JMY: variants seen among roughly 807,000 people sequenced by gnomAD.
JMY encodes the protein junction mediating and regulatory protein, p53 cofactor.
Under a neutral mutation model 103.3 loss-of-function variants are expected in JMY, and 46 were observed. The ratio of observed to expected loss-of-function variants is 0.45; its 90% confidence interval spans 0.35 to 0.57. The LOEUF is 0.57. Ranked by LOEUF, JMY falls within the 20% of genes least tolerant of loss-of-function variation. JMY has a pLI of 0.00. For synonymous variants in JMY, 526 were observed against 489.3 expected, an observed-to-expected ratio of 1.07 and a Z score of -0.99; for missense variants, 1,238 against 1,255.2, an observed-to-expected ratio of 0.99 and a Z score of 0.21.
In JMY at chr5:79,325,658, C is replaced by G. The variant is rs1747614778; in HGVS notation, c.*4056C>G. ...GTTGCATCTATTTAGTGCTACTGAA[C>G]AATTCAGTAGTTATTTCTGAACTTT... On this transcript the variant is annotated 3_prime_UTR_variant, in exon 11 of 11. Transcript: ENST00000396137. 2 of 152,124 alleles carry G rather than the reference C, an allele frequency of 1.3e-5. No individual in the cohort carries two copies. Among genetic ancestry groups the G allele is most frequent in the Admixed American group, 1.3e-4 (2 of 15,278 alleles). The allele number at this position is 152,124 out of a possible 1,614,324, so 9.4% of individuals were successfully genotyped here. A position where few individuals can be genotyped will look rare whatever the true frequency, so the allele number is the denominator to read the frequency against.
intron 1 of JMY, among the ~76,000 whole-genome samples, chr5:79,276,854 C>A (rs879945514): frequency 6.6e-6 from 1 of 152,048 alleles, no homozygotes; most frequent in Non-Finnish European, 1.5e-5. Flanking sequence ...ATCCACCCCC[C>A]ACGGCCTCCC....
At chr5:79,302,764 A>G (rs540985448) in intron 6 of JMY, among the ~76,000 whole-genome samples, 17 of 152,234 alleles carry the variant, frequency 1.1e-4, no homozygotes, top group Non-Finnish European at 2.5e-4. Flanking sequence ...AAGATAAGGC[A>G]GCATGAAAAA....
intron 7 of JMY, among the ~76,000 whole-genome samples, chr5:79,307,641 A>G (rs1746926232): frequency 6.6e-6 from 1 of 152,088 alleles, no homozygotes; most frequent in African/African-American, 2.4e-5. Flanking sequence ...TTTAATGCAG[A>G]TATATAGATA....
rs1744536176 is a variant in JMY, at chr5:79,237,062, A to G, written c.412A>G (p.Ser138Gly). Residue 138 changes from serine to glycine, a missense_variant, in exon 1 of 11, where the codon AGT becomes GGT. By Grantham distance (56) the Ser-to-Gly change is moderately conservative. Coordinates refer to ENST00000396137, the MANE Select transcript of JMY (RefSeq NM_152405.5). ...LRSPGSKGAE[S>G]RLRSPVRAKP... ...GAGTCCTGGCAGCAAAGGGGCGGAG[A>G]GTCGTCTTAGGAGCCCAGTGCGGGC... 2.0e-6 allele frequency: 3 copies of G among 1,530,948 alleles called. No homozygotes were observed. The African/African-American group carries it at 4.1e-5, about 21-fold the overall frequency. The allele number at this position is 1,530,948 out of a possible 1,614,324, so 94.8% of individuals were successfully genotyped here. A position where few individuals can be genotyped will look rare whatever the true frequency, so the allele number is the denominator to read the frequency against.
rs1163052778 is a variant in JMY at position 79,322,517 on chromosome 5, T to TTTAAG, written c.*918_*922dup. On this transcript the variant is annotated 3_prime_UTR_variant, in exon 11 of 11. Coordinates refer to ENST00000396137, the MANE Select transcript of JMY (RefSeq NM_152405.5). ...CTTAACTCTTTTCACAAATTACCAT[T>TTTAAG]TTAAGTTTTTATTTTTATGCTCCAC... 6.6e-6 allele frequency: 1 copy of TTTAAG among 152,224 alleles called. No homozygotes were observed. The highest frequency in any genetic ancestry group is 2.1e-4 in the South Asian group (1 of 4,830). 9.4% of individuals were successfully genotyped at this position (152,224 alleles called of 1,614,324 possible). A position where few individuals can be genotyped will look rare whatever the true frequency, so the allele number is the denominator to read the frequency against.
chr5:79,237,060 A>G lies in JMY; in HGVS notation c.410A>G (p.Glu137Gly), dbSNP rs767360509. The G allele has an allele frequency of 2.0e-6, 3 of 1,530,966 alleles. No individual in the cohort carries two copies. Among genetic ancestry groups the G allele is most frequent in the Non-Finnish European group, 2.6e-6 (3 of 1,134,768 alleles). 94.8% of individuals were successfully genotyped at this position (1,530,966 alleles called of 1,614,324 possible). Residue 137 changes from glutamate to glycine, a missense_variant, in exon 1 of 11, where the codon GAG (glutamate) becomes GGG (glycine). Transcript: ENST00000396137. ...RLRSPGSKGA[E>G]SRLRSPVRAK... Reference sequence around the variant, plus strand: ...CGGAGTCCTGGCAGCAAAGGGGCGGAGAGTCGTCTTAGGAGCCCAGTGCGG... The same window carrying G: ...CGGAGTCCTGGCAGCAAAGGGGCGGGGAGTCGTCTTAGGAGCCCAGTGCGG...
In JMY at chr5:79,326,054, A is replaced by G. The variant is rs1239173954; in HGVS notation, c.*4452A>G. On this transcript the variant is annotated 3_prime_UTR_variant, in exon 11 of 11. Coordinates refer to ENST00000396137, the MANE Select transcript of JMY (RefSeq NM_152405.5). ...ACTGTCTCTTCCCTTCTGCAGAGACATTATGCCACTGTAAGGTGCATGTAC... is the reference window on the plus strand; with the variant it reads ...ACTGTCTCTTCCCTTCTGCAGAGACGTTATGCCACTGTAAGGTGCATGTAC... 6.6e-6 allele frequency: 1 copy of G among 152,216 alleles called. No individual in the cohort carries two copies. Among genetic ancestry groups the G allele is most frequent in the Non-Finnish European group, 1.5e-5 (1 of 68,022 alleles). The allele number at this position is 152,216 out of a possible 1,614,324, so 9.4% of individuals were successfully genotyped here.
chr5:79,291,034 A>G (rs948048164), intron 3 of JMY, 96 bp from the exon 4 acceptor site: 1 of 827,194 alleles, frequency 1.2e-6, no homozygotes, highest in African/African-American at 1.8e-5. Flanking sequence ...TGACAGCAGG[A>G]TTTGTTTCTC....
chr5:79,312,142 C>A (rs925804672), intron 7 of JMY, among the ~76,000 whole-genome samples: 6 of 152,042 alleles, frequency 3.9e-5, no homozygotes, highest in African/African-American at 1.4e-4. Flanking sequence ...TTTTTAAAGT[C>A]ATCTACATTT....
At chr5:79,309,917 CT>C (rs147839549) in intron 7 of JMY, among the ~76,000 whole-genome samples, 4,983 of 152,016 alleles carry the variant, frequency 0.033, 94 homozygotes, top group South Asian at 0.061. Context: ...CAATATATTT[CT>C]TTTTATAAAA....
At chr5:79,281,520 A>G (rs1746114851) in intron 2 of JMY, among the ~76,000 whole-genome samples, 1 of 152,046 alleles carries the variant, frequency 6.6e-6, no homozygotes, top group Admixed American at 6.6e-5. Context: ...CCTATTGTAT[A>G]TGTGTTTCAT....
intron 1 of JMY, among the ~76,000 whole-genome samples, chr5:79,258,864 G>A (rs894011117): frequency 1.3e-5 from 2 of 152,188 alleles, no homozygotes; most frequent in Admixed American, 1.3e-4. Context: ...TGGGCAAGGG[G>A]TGTTTCAGCC....
At chr5:79,285,916 T>C (rs965101717) in intron 2 of JMY, among the ~76,000 whole-genome samples, 3 of 152,186 alleles carry the variant, frequency 2.0e-5, no homozygotes, top group Admixed American at 6.5e-5. Context: ...CCACGTCAGG[T>C]AATTTGTATT....
At chr5:79,253,000 GT>G (rs1197833792) in intron 1 of JMY, among the ~76,000 whole-genome samples, 2 of 152,008 alleles carry the variant, frequency 1.3e-5, no homozygotes, top group East Asian at 3.9e-4. Flanking sequence ...CTTTCTTCAT[GT>G]CTTTTATTGA....
intron 1 of JMY, among the ~76,000 whole-genome samples, chr5:79,272,160 A>G (rs1003173972): frequency 6.6e-6 from 1 of 150,814 alleles, no homozygotes; most frequent in African/African-American, 2.4e-5. Context: ...GTAATACTCT[A>G]TATCTTACAG....
intron 1 of JMY, among the ~76,000 whole-genome samples, chr5:79,245,329 A>T (rs941462474): frequency 6.6e-5 from 10 of 152,124 alleles, no homozygotes; most frequent in Non-Finnish European, 1.5e-4. Context: ...TTTTAAATAA[A>T]ATTGGTCATG....
chr5:79,253,572 G>A (rs997840449), intron 1 of JMY, among the ~76,000 whole-genome samples: 7 of 152,146 alleles, frequency 4.6e-5, no homozygotes, highest in East Asian at 1.9e-4. Flanking sequence ...GATTATAGGC[G>A]TGAGCCACCG....
At chr5:79,246,068 T>G (rs541712854) in intron 1 of JMY, among the ~76,000 whole-genome samples, 1 of 152,314 alleles carries the variant, frequency 6.6e-6, no homozygotes, top group South Asian at 2.1e-4. Context: ...AGTGTTTCAT[T>G]TTGTGTGTGT....
rs199879072 is a variant in JMY, at chr5:79,258,305, G to GTTTT, written c.1033-19603_1033-19600dup. 2.7e-3 allele frequency among the ~76,000 whole-genome samples: 319 copies of GTTTT among 116,968 alleles called. 9 individuals carry two copies. Among genetic ancestry groups the GTTTT allele is most frequent in the African/African-American group, 8.5e-3 (289 of 33,888 alleles). 76.7% of individuals were successfully genotyped at this position (116,968 alleles called of 152,430 possible). On this transcript the variant is annotated intron_variant, in intron 1 of 10. Transcript: ENST00000396137. The stretch of plus-strand genomic sequence containing the variant: ...AAATTCAGATATTAGGGCTTTTTTT[G>GTTTT]TTTTTGTTGTTTTTTTTTTTTTTTT...
Sources: gnomAD v4.1 joint callset for allele counts (sites outside exome capture counted in the v4.1 genomes callset) on GRCh38, gnomAD v4.1.1 for gene constraint, MANE v1.5 for transcripts, NCBI Gene and HGNC (gene_info 2026-07-23, HGNC 2026-07-21) for gene names.